Variants in MAP3K7 observed in about 807,000 individuals in gnomAD.
MAP3K7 encodes the protein TGF-beta activated kinase 1.
MAP3K7 carries 21 observed loss-of-function variants against 84.8 expected under a neutral mutation model. That is an observed-to-expected ratio of 0.25 (90% CI 0.18 to 0.36). The LOEUF is 0.36. Ranked by LOEUF, MAP3K7 falls within the 10% of genes least tolerant of loss-of-function variation. MAP3K7 has a pLI of 1.00. For synonymous variants in MAP3K7, 241 were observed against 247.7 expected (o/e 0.97, Z 0.25); for missense variants, 503 against 747.7 (o/e 0.67, Z 3.82).
At chr6:90,545,183 A>G (rs1775966127) in intron 11 of MAP3K7, among the ~76,000 whole-genome samples, 2 of 152,082 alleles carry the variant, frequency 1.3e-5, no homozygotes, top group South Asian at 2.1e-4. Flanking sequence ...AGTACCAAAT[A>G]TTTATTATAT....
chr6:90,586,788 G>C lies in MAP3K7; in HGVS notation c.96C>G (p.Asp32Glu), dbSNP rs750287415. ...CCTCTTCCACCTCGATCTCCTTGTA[G>C]TCGATCTCTTCAAAGTTGAGGACCT... ...PSQVLNFEEI[D>E]YKEIEVEEVV... The change falls in exon 1 of 17, where the codon GAC becomes GAG. Residue 32 changes from aspartate to glutamate, a missense_variant. By Grantham distance (45) the Asp-to-Glu change is conservative. Coordinates refer to ENST00000369329, the MANE Select transcript of MAP3K7 (RefSeq NM_145331.3). The C allele has an allele frequency of 1.2e-6, 2 of 1,607,354 alleles. No homozygotes were observed. The highest frequency in any genetic ancestry group is 1.7e-6 in the Non-Finnish European group (2 of 1,177,198).
intron 15 of MAP3K7, 55 bp downstream of exon 15, chr6:90,519,203 C>T (rs1775067373): frequency 1.7e-6 from 2 of 1,211,522 alleles, no homozygotes; most frequent in South Asian, 2.5e-5. Context: ...CAATTGTCAA[C>T]TTAAACTCTC....
chr6:90,559,935 A>G (rs1306855752), intron 5 of MAP3K7, 141 bp downstream of exon 5: 6 of 833,878 alleles, frequency 7.2e-6, no homozygotes, highest in African/African-American at 6.9e-5. Flanking sequence ...AGGTGAGTTA[A>G]AAGTAAACAC....
At chr6:90,569,192 T>G (rs912901464) in intron 2 of MAP3K7, among the ~76,000 whole-genome samples, 3 of 152,198 alleles carry the variant, frequency 2.0e-5, no homozygotes, top group Non-Finnish European at 4.4e-5. Context: ...GAATGACCTG[T>G]TCTATAGCTA....
intron 15 of MAP3K7, 47 bp downstream of exon 15, chr6:90,519,211 C>G (rs1259475059): frequency 2.7e-5 from 34 of 1,279,936 alleles, no homozygotes; most frequent in Non-Finnish European, 3.8e-5. Context: ...AACTTAAACT[C>G]TCTAAGAAGA....
chr6:90,550,432 A>T, intron 9 of MAP3K7, 36 bp downstream of exon 9: 1 of 1,370,508 alleles, frequency 7.3e-7, no homozygotes, highest in African/African-American at 1.4e-5. Flanking sequence ...GATGAAAGAA[A>T]AATCAAGTCA....
intron 13 of MAP3K7, among the ~76,000 whole-genome samples, chr6:90,528,649 T>C (rs558619972): frequency 6.6e-6 from 1 of 152,308 alleles, no homozygotes; most frequent in South Asian, 2.1e-4. Context: ...TAGGTACATA[T>C]TTATGGGGCA....
intron 1 of MAP3K7, among the ~76,000 whole-genome samples, chr6:90,584,232 T>G (rs1172500629): frequency 6.6e-6 from 1 of 152,180 alleles, no homozygotes; most frequent in Non-Finnish European, 1.5e-5. Flanking sequence ...GGAAGTGTAA[T>G]CTAAGTTGAC....
chr6:90,568,314 A>G (rs1369616574), intron 3 of MAP3K7, among the ~76,000 whole-genome samples: 3 of 152,274 alleles, frequency 2.0e-5, no homozygotes, highest in Admixed American at 1.3e-4. Context: ...TATTCTCACT[A>G]TTTAGAGTGT....
chr6:90,543,746 G>A (rs1029609024), intron 12 of MAP3K7, among the ~76,000 whole-genome samples: 1 of 151,982 alleles, frequency 6.6e-6, no homozygotes, highest in African/African-American at 2.4e-5. Flanking sequence ...AAGAGGTAGA[G>A]AAAAGCCTAA....
intron 1 of MAP3K7, among the ~76,000 whole-genome samples, chr6:90,576,508 A>G (rs779565915): frequency 1.3e-5 from 2 of 152,042 alleles, no homozygotes; most frequent in African/African-American, 4.8e-5. Context: ...CCCTAAGGGA[A>G]AAGAAAAACC....
chr6:90,522,447 A>T (rs550488347), intron 14 of MAP3K7, among the ~76,000 whole-genome samples: 73 of 152,260 alleles, frequency 4.8e-4, no homozygotes, highest in South Asian at 2.1e-3. Flanking sequence ...CTCCCTTGCC[A>T]GGGGGTTCAG....
intron 14 of MAP3K7, among the ~76,000 whole-genome samples, chr6:90,523,286 A>C (rs1775211894): frequency 1.3e-5 from 2 of 152,148 alleles, no homozygotes; most frequent in South Asian, 4.1e-4. Context: ...GATTGAGATG[A>C]AGATGATGGG....
At chr6:90,536,220 T>C (rs1315186093) in intron 13 of MAP3K7, 117 bp downstream of exon 13, 2 of 708,624 alleles carry the variant, frequency 2.8e-6, no homozygotes, top group African/African-American at 3.6e-5. Flanking sequence ...GTGCAATGAA[T>C]TTCTCTATCA....
At chr6:90,519,152 G>T in intron 15 of MAP3K7, 106 bp downstream of exon 15, 1 of 699,744 alleles carries the variant, frequency 1.4e-6, no homozygotes, top group Non-Finnish European at 2.4e-6. Flanking sequence ...CCAACTAAAA[G>T]GATAAATTAA....
intron 12 of MAP3K7, among the ~76,000 whole-genome samples, chr6:90,541,737 T>A (rs764832038): frequency 6.6e-6 from 1 of 152,030 alleles, no homozygotes; most frequent in Non-Finnish European, 1.5e-5. Context: ...CACATTTGAC[T>A]GATGGCATAG....
intron 5 of MAP3K7, among the ~76,000 whole-genome samples, chr6:90,558,873 C>T (rs1361025672): frequency 6.6e-6 from 1 of 152,166 alleles, no homozygotes; most frequent in Non-Finnish European, 1.5e-5. Context: ...GCATCAGATG[C>T]GTTCAGACTC....
At chr6:90,558,930 C>G (rs899762386) in intron 5 of MAP3K7, among the ~76,000 whole-genome samples, 1 of 152,086 alleles carries the variant, frequency 6.6e-6, no homozygotes. Context: ...TGCCTATATC[C>G]TTTGGATCAT....
intron 1 of MAP3K7, among the ~76,000 whole-genome samples, chr6:90,572,980 T>C (rs1467416395): frequency 6.6e-6 from 1 of 152,198 alleles, no homozygotes; most frequent in East Asian, 1.9e-4. Flanking sequence ...CCTTTTTCTT[T>C]AGCAAAAAAT....
Sources: gnomAD v4.1 joint callset for allele counts (sites outside exome capture counted in the v4.1 genomes callset) on GRCh38, gnomAD v4.1.1 for gene constraint, MANE v1.5 for transcripts, NCBI Gene and HGNC (gene_info 2026-07-23, HGNC 2026-07-21) for gene names.